The following KMT2C variants were observed in gnomAD, a reference collection of about 807,000 sequenced individuals.
KMT2C encodes lysine methyltransferase 2C.
In KMT2C, 88 loss-of-function variants were observed where a neutral mutation model predicts 507.9. The ratio of observed to expected loss-of-function variants is 0.17; its 90% CI spans 0.15 to 0.21. KMT2C has a LOEUF of 0.21. Among genes scored for constraint, KMT2C ranks in the 10% least tolerant of loss-of-function variants. The probability of loss-of-function intolerance (pLI) is 1.00; values close to 1 mark genes in which losing one functional copy is unlikely to be tolerated. For missense variants in KMT2C, 4,954 were observed against 5,957.8 expected (o/e 0.83, Z 5.55); for synonymous variants, 2,049 against 2,080.8 (o/e 0.98, Z 0.42).
intron 6 of KMT2C, among the ~76,000 whole-genome samples, chr7:152,306,971 C>T (rs1383361190): frequency 6.6e-5 from 10 of 152,108 alleles, no homozygotes; most frequent in Non-Finnish European, 1.3e-4. Flanking sequence ...CTAGCCTGGA[C>T]AACACAGCAG....
intron 44 of KMT2C, chr7:152,157,613 G>A: frequency 3.0e-6 from 1 of 336,592 alleles, no homozygotes; most frequent in Non-Finnish European, 4.7e-6. Context: ...ACTTCACCAG[G>A]TAAAATTTTA....
intron 23 of KMT2C, among the ~76,000 whole-genome samples, chr7:152,219,369 T>C (rs2094692830): frequency 6.6e-6 from 1 of 152,200 alleles, no homozygotes; most frequent in Non-Finnish European, 1.5e-5. Flanking sequence ...CATTAAAATA[T>C]AAACTCTATG....
At position 152,290,220 on chromosome 7, in the gene KMT2C, A is replaced by ATGTGTGTG. The variant is rs71198772; in HGVS notation, c.850-16361_850-16354dup. Among the ~76,000 whole-genome samples, 56 of 86,278 alleles carry ATGTGTGTG rather than the reference A, an allele frequency of 6.5e-4. 1 individual carries two copies. The highest frequency in any genetic ancestry group is 2.6e-3 in the South Asian group (5 of 1,958). 56.6% of individuals were successfully genotyped at this position (86,278 alleles called of 152,430 possible). Reference sequence around the variant, plus strand: ...GTAGTCTAATAAATTTTATATATATATGTGTGTGTGTGTGTGTGTGTGTGT... The same window carrying ATGTGTGTG: ...GTAGTCTAATAAATTTTATATATATATGTGTGTGTGTGTGTGTGTGTGTGTGTGTGTGT... On this transcript the variant is annotated intron_variant, in intron 6 of 58. Transcript: ENST00000262189.
chr7:152,386,043 T>C (rs6969460), intron 1 of KMT2C, among the ~76,000 whole-genome samples: 3 of 150,186 alleles, frequency 2.0e-5, no homozygotes, highest in Admixed American at 6.6e-5. Flanking sequence ...GCTGAGATCA[T>C]ACCACTGCAC....
At chr7:152,359,370 T>C (rs2097177677) in intron 1 of KMT2C, among the ~76,000 whole-genome samples, 1 of 150,610 alleles carries the variant, frequency 6.6e-6, no homozygotes, top group Admixed American at 6.6e-5. Context: ...GAAAAATTAA[T>C]AACACATAAG....
Position 152,154,136 on chromosome 7 carries a change from T to A in KMT2C, c.12150A>T (p.Ser4050=). 6.2e-7 allele frequency: 1 copy of A among 1,614,146 alleles called. No individual in the cohort carries two copies. The highest frequency in any genetic ancestry group is 2.2e-5 in the East Asian group (1 of 44,884). Residue 4050 remains serine (S), a synonymous_variant, in exon 48 of 59, where the codon TCA becomes TCT. Transcript: ENST00000262189. ...GCTCAGTTTTGATGTCATTCCTTCT[T>A]GATTCTGAACCTTTAAAAAGAGAGA... ...LPSTAGKSSE[S]RRNDIKTEPG... is the part of the protein sequence containing the mutation.
intron 1 of KMT2C, among the ~76,000 whole-genome samples, chr7:152,387,469 A>ATTTTT (rs34278604): frequency 1.7e-5 from 2 of 115,718 alleles, no homozygotes; most frequent in African/African-American, 6.6e-5. Context: ...GTATAATTCC[A>ATTTTT]TTTTTTTTTT....
chr7:152,384,574 A>G (rs2097404948), intron 1 of KMT2C, among the ~76,000 whole-genome samples: 1 of 142,638 alleles, frequency 7.0e-6, no homozygotes, highest in Non-Finnish European at 1.5e-5. Context: ...CACCACCACC[A>G]CCACCACCAC....
intron 25 of KMT2C, among the ~76,000 whole-genome samples, chr7:152,204,805 A>G (rs2094253908): frequency 6.6e-6 from 1 of 152,046 alleles, no homozygotes; most frequent in Non-Finnish European, 1.5e-5. Flanking sequence ...TTAAATATAG[A>G]AAATATATTT....
Position 152,384,564 on chromosome 7 carries a change from C to T in KMT2C, c.162-25889G>A, listed in dbSNP as rs1317183905. Among the ~76,000 whole-genome samples, 1,372 of 145,406 alleles carry T rather than the reference C, an allele frequency of 9.4e-3. 56 individuals carry two copies. Among genetic ancestry groups the T allele is most frequent in the African/African-American group, 0.027 (1,046 of 39,178 alleles). ...ATGTGCATAACACCACCACCACCAC[C>T]ACCACCACCACCACCACCACCACCA... On this transcript the variant is annotated intron_variant, in intron 1 of 58. Transcript: ENST00000262189.
At chr7:152,299,732 G>GTCTAAATTAAAT (rs2096549566) in intron 6 of KMT2C, among the ~76,000 whole-genome samples, 1 of 151,644 alleles carries the variant, frequency 6.6e-6, no homozygotes, top group Non-Finnish European at 1.5e-5. Flanking sequence ...CACATTAAAT[G>GTCTAAATTAAAT]TACATGGTCT....
chr7:152,234,316 G>A (rs891983264), intron 16 of KMT2C, among the ~76,000 whole-genome samples: 29 of 152,018 alleles, frequency 1.9e-4, no homozygotes, highest in African/African-American at 6.8e-4. Flanking sequence ...CTGGGAGGCA[G>A]TGGTTGCATG....
chr7:152,376,942 T>G (rs1181750158), intron 1 of KMT2C, among the ~76,000 whole-genome samples: 1 of 152,178 alleles, frequency 6.6e-6, no homozygotes, highest in Admixed American at 6.5e-5. Flanking sequence ...CCCAGCACTT[T>G]GAGAGGCCAA....
intron 2 of KMT2C, among the ~76,000 whole-genome samples, chr7:152,344,574 T>C (rs995379091): frequency 1.3e-5 from 2 of 151,876 alleles, no homozygotes; most frequent in Non-Finnish European, 2.9e-5. Context: ...TATTAGAAAG[T>C]AGACTTGGGT....
intron 11 of KMT2C, 60 bp from the exon 12 acceptor site, chr7:152,251,026 T>A (rs1669477950): frequency 6.5e-6 from 6 of 928,792 alleles, no homozygotes; most frequent in Non-Finnish European, 1.0e-5. Context: ...GTTCATTAAG[T>A]CAACAATTAT....
intron 57 of KMT2C, 52 bp downstream of exon 57, chr7:152,139,134 G>A: frequency 6.5e-7 from 1 of 1,542,324 alleles, no homozygotes; most frequent in Non-Finnish European, 9.0e-7. Context: ...CTCTCCACCA[G>A]CACTGGCCCC....
At chr7:152,433,195 T>C (rs1285835581) in intron 1 of KMT2C, among the ~76,000 whole-genome samples, 1 of 152,020 alleles carries the variant, frequency 6.6e-6, no homozygotes. Context: ...ACTCACTAAG[T>C]TAATGAACAT....
At chr7:152,212,073 G>T (rs539153259) in intron 23 of KMT2C, among the ~76,000 whole-genome samples, 1 of 152,130 alleles carries the variant, frequency 6.6e-6, no homozygotes, top group Non-Finnish European at 1.5e-5. Context: ...GAGAAGAGAA[G>T]AGACGAGACG....
intron 6 of KMT2C, among the ~76,000 whole-genome samples, chr7:152,290,268 A>G (rs1316304630): frequency 0.015 from 276 of 18,908 alleles, 3 homozygotes; most frequent in African/African-American, 0.069. Flanking sequence ...GTATATATAT[A>G]TATATATATA....
Sources: gnomAD v4.1 joint callset for allele counts (sites outside exome capture counted in the v4.1 genomes callset) on GRCh38, gnomAD v4.1.1 for gene constraint, MANE v1.5 for transcripts, NCBI Gene and HGNC (gene_info 2026-07-23, HGNC 2026-07-21) for gene names.